The following ZPBP variants were observed in gnomAD, a reference collection of about 807,000 sequenced individuals.
ZPBP encodes the protein zona pellucida binding protein, also known as zona pellucida-binding protein 1.
A neutral mutation model predicts 44.8 loss-of-function variants in ZPBP; 26 were observed. That is an observed-to-expected ratio of 0.58 (90% CI 0.43 to 0.81). The LOEUF (loss-of-function observed/expected upper bound fraction) is 0.81, where lower values mean the gene tolerates loss of function less well. Ranked by LOEUF, ZPBP falls within the 30% of genes least tolerant of loss-of-function variation. The pLI is 0.00. For synonymous variants in ZPBP, 174 were observed against 153.2 expected (o/e 1.14, Z -1.00); for missense variants, 409 against 434.0 (o/e 0.94, Z 0.51).
intron 5 of ZPBP, among the ~76,000 whole-genome samples, chr7:50,029,247 T>G (rs754148219): frequency 6.6e-6 from 1 of 152,172 alleles, no homozygotes; most frequent in Admixed American, 6.6e-5. Flanking sequence ...GAATGGTCTC[T>G]TCAACAAATG....
At chr7:50,018,125 G>A in intron 6 of ZPBP, 115 bp downstream of exon 6, 1 of 742,286 alleles carries the variant, frequency 1.3e-6, no homozygotes, top group South Asian at 1.6e-5. Flanking sequence ...TTTTATTGTT[G>A]AAATCCTTAA....
At position 50,018,754 on chromosome 7, in the gene ZPBP, T is replaced by C. The variant is rs1422065438; in HGVS notation, c.707-438A>G. ...GTAGGACAAACTCTGATCACAATAC[T>C]GGAAAGGGAAATGAGGTTGGATTTT... On this transcript the variant is annotated intron_variant, in intron 5 of 7. Transcript: ENST00000046087. Among the ~76,000 whole-genome samples, 3 of 151,958 alleles carry C rather than the reference T, an allele frequency of 2.0e-5. No individual in the cohort carries two copies. The East Asian group carries it at 5.8e-4, about 29-fold the overall frequency.
intron 2 of ZPBP, among the ~76,000 whole-genome samples, chr7:49,883,462 A>G (rs1791768761): frequency 6.6e-6 from 1 of 152,224 alleles, no homozygotes; most frequent in Non-Finnish European, 1.5e-5. Context: ...TGATATATCC[A>G]TGGCATTAGA....
At chr7:49,898,238 C>T (rs1792497686) in intron 2 of ZPBP, among the ~76,000 whole-genome samples, 1 of 151,506 alleles carries the variant, frequency 6.6e-6, no homozygotes, top group South Asian at 2.1e-4. Context: ...CACAAACACA[C>T]AGATATAAGC....
chr7:50,067,774 T>C (rs1323148121), intron 3 of ZPBP, among the ~76,000 whole-genome samples: 2 of 152,194 alleles, frequency 1.3e-5, no homozygotes, highest in African/African-American at 4.8e-5. Flanking sequence ...AGTAGGGCAG[T>C]GGCAGCTAGT....
intron 4 of ZPBP, among the ~76,000 whole-genome samples, chr7:50,057,031 A>C (rs1584135554): frequency 1.3e-5 from 2 of 151,970 alleles, no homozygotes; most frequent in South Asian, 4.2e-4. Flanking sequence ...CAAAAATACA[A>C]AAAATTAGCC....
At chr7:49,929,474 G>A (rs1583859390) in intron 1 of ZPBP, among the ~76,000 whole-genome samples, 3 of 152,256 alleles carry the variant, frequency 2.0e-5, no homozygotes, top group Middle Eastern at 3.4e-3. Context: ...CTTCCAGAAA[G>A]GGGAATGCAA....
chr7:49,995,949 G>A (rs762602179), intron 6 of ZPBP, among the ~76,000 whole-genome samples: 6 of 152,054 alleles, frequency 3.9e-5, no homozygotes, highest in Non-Finnish European at 7.4e-5. Flanking sequence ...AAATTCTAAC[G>A]TTCCATGGCA....
intron 2 of ZPBP, among the ~76,000 whole-genome samples, chr7:49,869,577 C>T (rs941010361): frequency 1.3e-5 from 2 of 152,068 alleles, no homozygotes; most frequent in African/African-American, 4.8e-5. Context: ...AGATTGAAAT[C>T]CTTATTTTAA....
chr7:50,003,711 T>C (rs1041591394), intron 6 of ZPBP, among the ~76,000 whole-genome samples: 2 of 152,108 alleles, frequency 1.3e-5, no homozygotes, highest in Admixed American at 6.5e-5. Flanking sequence ...AATGGAGTAA[T>C]TGGGGAAGTA....
chr7:49,938,020 G>A (rs1039680165), intron 7 of ZPBP, among the ~76,000 whole-genome samples: 1 of 152,178 alleles, frequency 6.6e-6, no homozygotes, highest in South Asian at 2.1e-4. Flanking sequence ...CTGACAGGAA[G>A]CAGAGCTCAG....
chr7:49,961,085 A>T (rs1363444700), intron 7 of ZPBP, among the ~76,000 whole-genome samples: 2 of 152,184 alleles, frequency 1.3e-5, no homozygotes, highest in African/African-American at 4.8e-5. Flanking sequence ...CACTAACCAT[A>T]TGACCCAGCA....
intron 2 of ZPBP, among the ~76,000 whole-genome samples, chr7:50,085,489 A>G (rs1237501099): frequency 6.6e-6 from 1 of 152,076 alleles, no homozygotes. Context: ...CCAACAGTTT[A>G]CAATCACAGT....
At chr7:49,969,560 G>A (rs1315268138) in intron 7 of ZPBP, among the ~76,000 whole-genome samples, 2 of 147,550 alleles carry the variant, frequency 1.4e-5, no homozygotes, top group Admixed American at 6.7e-5. Context: ...ATGCAGAAGA[G>A]AAAAAAGAAA....
intron 7 of ZPBP, among the ~76,000 whole-genome samples, chr7:49,960,767 A>T (rs1795836291): frequency 6.6e-6 from 1 of 152,188 alleles, no homozygotes; most frequent in African/African-American, 2.4e-5. Context: ...TAATCAGGAA[A>T]ATGAAAACTA....
chr7:49,912,147 C>G, intron 1 of ZPBP: 1 of 1,614,074 alleles, frequency 6.2e-7, no homozygotes, highest in Non-Finnish European at 8.5e-7. Context: ...AATCGAGCGG[C>G]AGGCCATGTG....
At chr7:50,090,103 T>C (rs1357728745) in intron 1 of ZPBP, among the ~76,000 whole-genome samples, 1 of 152,158 alleles carries the variant, frequency 6.6e-6, no homozygotes, top group Non-Finnish European at 1.5e-5. Flanking sequence ...CTATAGTTCT[T>C]TGTTTTTAAT....
chr7:49,843,366 G>A, the ZPBP span, among the ~76,000 whole-genome samples: 2 of 152,154 alleles, frequency 1.3e-5, no homozygotes, highest in African/African-American at 4.8e-5. Context: ...AAGCGAAGAG[G>A]AGACACAGCT....
intron 4 of ZPBP, among the ~76,000 whole-genome samples, chr7:50,032,135 T>A (rs562583603): frequency 1.7e-4 from 26 of 152,314 alleles, no homozygotes; most frequent in Admixed American, 4.6e-4. Flanking sequence ...TCTTTGTATT[T>A]GGAGTAGAGA....
Sources: allele counts gnomAD v4.1 joint callset (sites outside exome capture counted in the v4.1 genomes callset), GRCh38; gene constraint gnomAD v4.1.1; transcripts MANE v1.5; gene names NCBI Gene and HGNC (gene_info 2026-07-23, HGNC 2026-07-21).